Variants in TBCD observed in about 807,000 individuals in gnomAD.
The protein encoded by TBCD is tubulin-specific chaperone D.
In TBCD, 105 loss-of-function variants were observed where a neutral mutation model predicts 169.3. The ratio of observed to expected loss-of-function variants is 0.62; its 90% CI spans 0.53 to 0.73. TBCD has a LOEUF of 0.73. Among genes scored for constraint, TBCD ranks in the 30% least tolerant of loss-of-function variants. TBCD has a pLI of 0.00. For synonymous variants in TBCD, 700 were observed against 643.9 expected, an observed-to-expected ratio of 1.09 and a Z score of -1.32; for missense variants, 1,444 against 1,600.1, an observed-to-expected ratio of 0.90 and a Z score of 1.66.
chr17:82,794,413 C>G (rs1384720355), intron 7 of TBCD, among the ~76,000 whole-genome samples: 1 of 152,160 alleles, frequency 6.6e-6, no homozygotes, highest in Non-Finnish European at 1.5e-5. Context: ...GCAGTCATTC[C>G]TCATTTACCA....
At chr17:82,911,663 C>CT in intron 22 of TBCD, 95 bp from the exon 23 acceptor site, 1 of 1,261,434 alleles carries the variant, frequency 7.9e-7, no homozygotes, top group Non-Finnish European at 1.1e-6. Context: ...CATTTTAATG[C>CT]TTTTTGGAGC....
intron 7 of TBCD, among the ~76,000 whole-genome samples, chr17:82,784,879 C>T (rs1188910806): frequency 2.6e-5 from 4 of 152,238 alleles, no homozygotes; most frequent in African/African-American, 9.6e-5. Context: ...CGAACCATTG[C>T]AGTGGGAAAG....
intron 13 of TBCD, among the ~76,000 whole-genome samples, chr17:82,822,207 G>C (rs1047832587): frequency 6.6e-6 from 1 of 152,258 alleles, no homozygotes; most frequent in African/African-American, 2.4e-5. Context: ...GCTCTTGGCA[G>C]TTGAGGTGAG....
intron 2 of TBCD, among the ~76,000 whole-genome samples, chr17:82,758,896 A>C (rs1019332878): frequency 1.3e-5 from 2 of 151,804 alleles, no homozygotes; most frequent in African/African-American, 4.8e-5. Flanking sequence ...CCTGACCCCC[A>C]CGTGATCTGC....
chr17:82,792,909 G>T (rs938648359), intron 7 of TBCD, among the ~76,000 whole-genome samples: 2 of 151,936 alleles, frequency 1.3e-5, no homozygotes, highest in African/African-American at 4.8e-5. Context: ...ATTACAGGTG[G>T]ACGCCACCAC....
intron 7 of TBCD, among the ~76,000 whole-genome samples, chr17:82,796,553 A>G (rs2050119902): frequency 6.6e-6 from 1 of 152,138 alleles, no homozygotes; most frequent in Non-Finnish European, 1.5e-5. Flanking sequence ...CCACTGCCCC[A>G]TTTTACAGAC....
At chr17:82,917,374 AT>A (rs1019192851) in intron 23 of TBCD, among the ~76,000 whole-genome samples, 2 of 151,944 alleles carry the variant, frequency 1.3e-5, no homozygotes, top group Non-Finnish European at 2.9e-5. Flanking sequence ...GCATCCTTGA[AT>A]TTTTTTATTT....
rs957285007 is a variant in TBCD at position 82,924,963 on chromosome 17, C to G, written c.2285C>G (p.Ala762Gly). Residue 762 changes from alanine (A) to glycine (G), a missense_variant, in exon 27 of 39, where the codon GCT (alanine) becomes GGT (glycine). Coordinates refer to ENST00000355528, the MANE Select transcript of TBCD (RefSeq NM_005993.5). The part of the protein sequence containing the change: ...IQEELITQYL[A>G]ELRNPEEMTR... Reference sequence around the variant, plus strand: ...GAGGAGCTGATCACGCAGTACCTGGCTGAGCTTCGGAACCCCGAGGAGATG... The same window carrying G: ...GAGGAGCTGATCACGCAGTACCTGGGTGAGCTTCGGAACCCCGAGGAGATG... 6.4e-7 allele frequency: 1 copy of G among 1,570,342 alleles called. No individual in the cohort carries two copies. The highest frequency in any genetic ancestry group is 8.6e-7 in the Non-Finnish European group (1 of 1,156,530).
In TBCD at chr17:82,752,355, G is replaced by A; in HGVS notation, c.162G>A (p.Glu54=). ...TGCACGGCGGCGGCGCGGAGCGCGA[G>A]GTGGCCCTGGAGCGGTTCCGCGGTG... ...REVHGGGAER[E]VALERFRVIM... is the part of the protein sequence containing the mutation. Residue 54 remains glutamate, a synonymous_variant, in exon 1 of 39, where the codon GAG becomes GAA. Coordinates refer to ENST00000355528, the MANE Select transcript of TBCD (RefSeq NM_005993.5). 1 of 1,397,976 alleles carries A rather than the reference G, an allele frequency of 7.2e-7. No individual in the cohort carries two copies. Among genetic ancestry groups the A allele is most frequent in the Non-Finnish European group, 9.2e-7 (1 of 1,088,694 alleles). The allele number at this position is 1,397,976 out of a possible 1,614,324, so 86.6% of individuals were successfully genotyped here. A position where few individuals can be genotyped will look rare whatever the true frequency, so the allele number is the denominator to read the frequency against.
At chr17:82,937,385 T>A (rs755305572) in intron 35 of TBCD, 25 bp downstream of exon 35, 1 of 1,608,508 alleles carries the variant, frequency 6.2e-7, no homozygotes, top group South Asian at 1.1e-5. Flanking sequence ...CTGCTGGCCT[T>A]AGACGGAATG....
intron 13 of TBCD, among the ~76,000 whole-genome samples, chr17:82,856,160 A>AAGAC (rs2056264825): frequency 6.6e-6 from 1 of 151,678 alleles, no homozygotes; most frequent in East Asian, 1.9e-4. Context: ...TAGTAAGACA[A>AAGAC]AGACACCCAA....
chr17:82,924,778 AT>A (rs1408930888), intron 26 of TBCD, among the ~76,000 whole-genome samples, 160 bp from the exon 27 acceptor site: 1 of 152,140 alleles, frequency 6.6e-6, no homozygotes, highest in Non-Finnish European at 1.5e-5. Context: ...TCTGATTCCT[AT>A]TTTGAGGTAG....
chr17:82,909,429 TGGGTGTCACCCGGCCCGCTGTG>T, intron 22 of TBCD, 122 bp downstream of exon 22: 2 of 687,754 alleles, frequency 2.9e-6, no homozygotes, highest in African/African-American at 3.6e-5. Context: ...GTTGAGCGGG[TGGGTGTCACCCGGCCCGCTGTG>T]GGAGGCGCAT....
chr17:82,790,046 C>T (rs1366237488), intron 7 of TBCD, among the ~76,000 whole-genome samples: 1 of 152,206 alleles, frequency 6.6e-6, no homozygotes, highest in Non-Finnish European at 1.5e-5. Context: ...CATCTGTTCT[C>T]ATGTGGCTGC....
intron 8 of TBCD, among the ~76,000 whole-genome samples, chr17:82,798,515 A>G (rs1056362463): frequency 2.6e-5 from 4 of 152,012 alleles, no homozygotes; most frequent in African/African-American, 9.7e-5. Context: ...CTGCTGACCT[A>G]GTGATCTGCC....
In TBCD at chr17:82,930,524, C is replaced by T. The variant is rs747027727; in HGVS notation, c.2994C>T (p.Ile998=). The part of the protein sequence containing the change: ...VSLGGLTEST[I]RHSTQSLFEY... ...TCTGAGGTGTCTCCGTGTTGCAGAT[C>T]CGGCACTCCACCCAGAGCCTCTTTG... The change falls in exon 33 of 39, where the codon ATC becomes ATT. Residue 998 remains isoleucine (I), a splice_region_variant and synonymous_variant. Coordinates refer to ENST00000355528, the MANE Select transcript of TBCD (RefSeq NM_005993.5). This position sits in a 1 kb window ranked among gnomAD's most constrained non-coding sequence, Gnocchi z 5.2. The T allele has an allele frequency of 1.9e-6, 3 of 1,612,972 alleles. No individual in the cohort carries two copies. The highest frequency in any genetic ancestry group is 2.5e-6 in the Non-Finnish European group (3 of 1,179,668).
intron 14 of TBCD, among the ~76,000 whole-genome samples, chr17:82,883,269 G>T (rs1199919474): frequency 6.6e-6 from 1 of 152,258 alleles, no homozygotes; most frequent in Non-Finnish European, 1.5e-5. Flanking sequence ...GCTTATCTCC[G>T]CGTGTCTGAA....
At chr17:82,799,458 A>G (rs1448376246) in intron 8 of TBCD, among the ~76,000 whole-genome samples, 1 of 151,098 alleles carries the variant, frequency 6.6e-6, no homozygotes, top group Non-Finnish European at 1.5e-5. Context: ...AAAAAAAAAA[A>G]AAAAAGAAAC....
At position 82,870,125 on chromosome 17, in the gene TBCD, A is replaced by T. The variant is rs981019581; in HGVS notation, c.1319-99A>T. ...CGCTTGCGTGCCTCACTCATCTGGCACCGTGACCGCGCTCCGGCCCTGAGC... is the reference window on the plus strand; with the variant it reads ...CGCTTGCGTGCCTCACTCATCTGGCTCCGTGACCGCGCTCCGGCCCTGAGC... On this transcript the variant is annotated intron_variant, in intron 13 of 38. Coordinates refer to ENST00000355528, the MANE Select transcript of TBCD (RefSeq NM_005993.5). 7.2e-5 allele frequency: 111 copies of T among 1,537,918 alleles called. 1 individual carries two copies. Among genetic ancestry groups the T allele is most frequent in the Admixed American group, 2.8e-4 (15 of 53,256 alleles).
Sources: allele counts gnomAD v4.1 joint callset (sites outside exome capture counted in the v4.1 genomes callset), GRCh38; gene constraint gnomAD v4.1.1; non-coding constraint Gnocchi (gnomAD v3.1); transcripts MANE v1.5; gene names NCBI Gene and HGNC (gene_info 2026-07-23, HGNC 2026-07-21).